SEMA3B: variants seen among roughly 807,000 people sequenced by gnomAD.
SEMA3B encodes semaphorin-3B.
A neutral mutation model predicts 77.8 loss-of-function variants in SEMA3B; 71 were observed. The observed-to-expected ratio is 0.91, with a 90% confidence interval of 0.75 to 1.11. The LOEUF is 1.11. Among genes scored for constraint, SEMA3B ranks in the 50% most tolerant of loss-of-function variants. The pLI is 0.00. For synonymous variants in SEMA3B, 470 were observed against 452.9 expected (o/e 1.04, Z -0.48); for missense variants, 968 against 1,056.8 (o/e 0.92, Z 1.17).
At chr3:50,264,279 C>T (rs997206091), upstream of SEMA3B, among the ~76,000 whole-genome samples, 1 of 152,122 alleles carries the variant, frequency 6.6e-6, no homozygotes, top group Admixed American at 6.6e-5. Flanking sequence ...AGGAGCTGAG[C>T]CCGAGAAGGG....
rs1700985617 is a variant in SEMA3B, at chr3:50,269,462, A to G, written c.109+113A>G. 2 of 660,878 alleles carry G rather than the reference A, an allele frequency of 3.0e-6. No individual in the cohort carries two copies. The highest frequency in any genetic ancestry group is 3.1e-5 in the Admixed American group (1 of 32,104). The allele number at this position is 660,878 out of a possible 1,614,324, so 40.9% of individuals were successfully genotyped here. On this transcript the variant is annotated intron_variant, in intron 1 of 16. Transcript: ENST00000616701. This position sits in a 1 kb window ranked among gnomAD's most constrained non-coding sequence, Gnocchi z 4.0. ...GCCCCATGTGCGTGCCTGTCACCAG[A>G]CTCTGGTAGGATTAGTGGGCACTCT...
upstream of SEMA3B, among the ~76,000 whole-genome samples, chr3:50,264,942 G>T (rs989500336): frequency 6.6e-6 from 1 of 152,042 alleles, no homozygotes; most frequent in African/African-American, 2.4e-5. Context: ...GGGCAGGCGG[G>T]GGTAGGGCCA....
chr3:50,276,258 T>C lies in SEMA3B; in HGVS notation c.1846-44T>C, dbSNP rs1701240237. ...CGCGTGCTAGGGCCCGGAAGCCCTG[T>C]TCCCGGCCCGACACCCCCGCCTCAC... On this transcript the variant is annotated intron_variant, in intron 16 of 16. Coordinates refer to ENST00000616701, the MANE Select transcript of SEMA3B (RefSeq NM_001290060.2). This position sits in a 1 kb window ranked among gnomAD's most constrained non-coding sequence, Gnocchi z 5.8. The C allele has an allele frequency of 2.8e-6, 4 of 1,441,690 alleles. No homozygotes were observed. In the East Asian group the frequency reaches 7.9e-5, roughly 28 times the overall value. The allele number at this position is 1,441,690 out of a possible 1,614,324, so 89.3% of individuals were successfully genotyped here.
chr3:50,265,094 A>G (rs1247621876), upstream of SEMA3B, among the ~76,000 whole-genome samples: 1 of 152,142 alleles, frequency 6.6e-6, no homozygotes, highest in African/African-American at 2.4e-5. Flanking sequence ...TTCCCTGGGA[A>G]TGTGGAGACC....
In SEMA3B at chr3:50,274,499, G is replaced by A; in HGVS notation, c.1274G>A (p.Gly425Glu). ...TGGRPLFLQV[G>E]ANYTFTQIAA... ...GGGCGCCCTCTTTTCCTACAAGTTG[G>A]AGCCAATTACACCTTCACTCAAATT... Residue 425 changes from glycine (G) to glutamate (E), a missense_variant, in exon 11 of 17, where the codon GGA becomes GAA. Gly to Glu is a moderately conservative substitution (Grantham distance 98, BLOSUM62 -2). Coordinates refer to ENST00000616701, the MANE Select transcript of SEMA3B (RefSeq NM_001290060.2). This position sits in a 1 kb window ranked among gnomAD's most constrained non-coding sequence, Gnocchi z 4.7. 1.3e-6 allele frequency: 2 copies of A among 1,564,776 alleles called. No homozygotes were observed. The highest frequency in any genetic ancestry group is 1.7e-6 in the Non-Finnish European group (2 of 1,157,728).
In SEMA3B at chr3:50,275,234, A is replaced by T. The variant is rs917231925; in HGVS notation, c.1492-68A>T. 2.7e-6 allele frequency: 4 copies of T among 1,471,010 alleles called. No individual in the cohort carries two copies. In the African/African-American group the frequency reaches 5.6e-5, roughly 21 times the overall value. The allele number at this position is 1,471,010 out of a possible 1,614,324, so 91.1% of individuals were successfully genotyped here. On this transcript the variant is annotated intron_variant, in intron 13 of 16. Coordinates refer to ENST00000616701, the MANE Select transcript of SEMA3B (RefSeq NM_001290060.2). This position sits in a 1 kb window ranked among gnomAD's most constrained non-coding sequence, Gnocchi z 7.5. ...TCCCATCTGTCGAGTGGAAGAAGGG[A>T]TCCCTGACCGATGGGAGGCAGGCGT...
At chr3:50,264,494 G>A (rs587705547), upstream of SEMA3B, among the ~76,000 whole-genome samples, 10 of 152,302 alleles carry the variant, frequency 6.6e-5, no homozygotes, top group East Asian at 1.9e-4. Flanking sequence ...CCACGGGGTC[G>A]GCTAAGCGGC....
At chr3:50,262,050 C>T in the SEMA3B span, 1 of 152,310 alleles carries the variant, frequency 6.6e-6, no homozygotes, top group Non-Finnish European at 1.5e-5. Context: ...AATCCTAGCA[C>T]TTTGGGAGGC....
chr3:50,275,060 G>A lies in SEMA3B; in HGVS notation c.1491+7G>A, dbSNP rs369551926. 21 of 1,579,900 alleles carry A rather than the reference G, an allele frequency of 1.3e-5. No homozygotes were observed. Among genetic ancestry groups the A allele is most frequent in the Non-Finnish European group, 1.7e-5 (20 of 1,159,104 alleles). On this transcript the variant is annotated splice_region_variant and intron_variant, in intron 13 of 16. Transcript: ENST00000616701. The surrounding 1 kb of genome is among the most constrained non-coding windows in gnomAD (Gnocchi z 7.5). ...GCAAATTTCTTCCAAGAGGGTGAGT[G>A]ACCAGGATGGGGGTCGGGGTGGGAT...
chr3:50,275,607 G>T lies in SEMA3B; in HGVS notation c.1697G>T (p.Cys566Phe), dbSNP rs781891711. 5 of 1,613,720 alleles carry T rather than the reference G, an allele frequency of 3.1e-6. No homozygotes were observed. In the South Asian group the frequency reaches 5.5e-5, roughly 18 times the overall value. Residue 566 changes from cysteine to phenylalanine, a missense_variant, in exon 15 of 17, where the codon TGC becomes TTC. Transcript: ENST00000616701. This position sits in a 1 kb window ranked among gnomAD's most constrained non-coding sequence, Gnocchi z 7.5. ...DVRNGDPSTL[C>F]SGDSSRPALL... ...AGGAATGGCGACCCCAGCACGTTGT[G>T]CTCCGGAGGTGAGTGCCCCAGCTGC...
chr3:50,276,510 C>G lies in SEMA3B; in HGVS notation c.2054C>G (p.Pro685Arg). 7.2e-6 allele frequency: 11 copies of G among 1,532,768 alleles called. No homozygotes were observed. Among genetic ancestry groups the G allele is most frequent in the Non-Finnish European group, 9.6e-6 (11 of 1,144,308 alleles). The allele number at this position is 1,532,768 out of a possible 1,614,324, so 94.9% of individuals were successfully genotyped here. ...GCTGCGCCCGCCGCGCCGCCGGGCC[C>G]CAAACTCTGGTACCGGGACTTTCTG... Reference protein sequence around the residue: ...EEAAPAAPPGPKLWYRDFLQL... With the variant: ...EEAAPAAPPGRKLWYRDFLQL... The change falls in exon 17 of 17, where the codon CCC (proline) becomes CGC (arginine). Residue 685 changes from proline to arginine, a missense_variant. Physicochemically the swap from Pro to Arg is moderately radical, Grantham distance 103 (BLOSUM62 -2). Coordinates refer to ENST00000616701, the MANE Select transcript of SEMA3B (RefSeq NM_001290060.2). This position sits in a 1 kb window ranked among gnomAD's most constrained non-coding sequence, Gnocchi z 5.8.
Position 50,269,476 on chromosome 3 carries a change from AG to A in SEMA3B, c.109+128del. ...CCTGTCACCAGACTCTGGTAGGATTAGTGGGCACTCTCAGGCCACCTCCAGT... is the reference window on the plus strand; with the variant it reads ...CCTGTCACCAGACTCTGGTAGGATTATGGGCACTCTCAGGCCACCTCCAGT... On this transcript the variant is annotated intron_variant, in intron 1 of 16. Transcript: ENST00000616701. This position sits in a 1 kb window ranked among gnomAD's most constrained non-coding sequence, Gnocchi z 4.0. 1 of 625,832 alleles carries A rather than the reference AG, an allele frequency of 1.6e-6. No individual in the cohort carries two copies. The highest frequency in any genetic ancestry group is 3.1e-5 in the Admixed American group (1 of 32,140). 38.8% of individuals were successfully genotyped at this position (625,832 alleles called of 1,614,324 possible).
In SEMA3B at chr3:50,274,422, C is replaced by A. The variant is rs1266739871; in HGVS notation, c.1197C>A (p.Ile399=). 5 of 1,514,682 alleles carry A rather than the reference C, an allele frequency of 3.3e-6. No homozygotes were observed. Among genetic ancestry groups the A allele is most frequent in the Non-Finnish European group, 4.4e-6 (5 of 1,132,196 alleles). 93.8% of individuals were successfully genotyped at this position (1,514,682 alleles called of 1,614,324 possible). The change falls in exon 11 of 17, where the codon ATC becomes ATA. Residue 399 remains isoleucine, a synonymous_variant. Coordinates refer to ENST00000616701, the MANE Select transcript of SEMA3B (RefSeq NM_001290060.2). The surrounding 1 kb of genome is among the most constrained non-coding windows in gnomAD (Gnocchi z 4.7). ...CCAAGGACTTCCCAGACGATGTCATCCAGTTTGCGCGGAACCACCCCCTCA... is the reference window on the plus strand; with the variant it reads ...CCAAGGACTTCCCAGACGATGTCATACAGTTTGCGCGGAACCACCCCCTCA... ...SSTKDFPDDV[I]QFARNHPLMY... is the part of the protein sequence containing the mutation.
Position 50,276,168 on chromosome 3 carries a change from T to C in SEMA3B, c.1846-134T>C, listed in dbSNP as rs936020569. 1.2e-5 allele frequency: 15 copies of C among 1,206,648 alleles called. 1 individual carries two copies. The African/African-American group carries it at 1.9e-4, about 15-fold the overall frequency. The allele number at this position is 1,206,648 out of a possible 1,614,324, so 74.7% of individuals were successfully genotyped here. A position where few individuals can be genotyped will look rare whatever the true frequency, so the allele number is the denominator to read the frequency against. Reference sequence around the variant, plus strand: ...AGCTCCCAAACACTCAGCCTTAAAATGTGCGCCTGCGGGCACCCCTTTCCC... The same window carrying C: ...AGCTCCCAAACACTCAGCCTTAAAACGTGCGCCTGCGGGCACCCCTTTCCC... On this transcript the variant is annotated intron_variant, in intron 16 of 16. Coordinates refer to ENST00000616701, the MANE Select transcript of SEMA3B (RefSeq NM_001290060.2). This position sits in a 1 kb window ranked among gnomAD's most constrained non-coding sequence, Gnocchi z 5.8.
chr3:50,270,645 G>C lies in SEMA3B; in HGVS notation c.330+150G>C. 3.4e-6 allele frequency: 4 copies of C among 1,178,342 alleles called. 1 individual carries two copies. The highest frequency in any genetic ancestry group is 4.7e-6 in the Non-Finnish European group (4 of 843,456). 73.0% of individuals were successfully genotyped at this position (1,178,342 alleles called of 1,614,324 possible). ...AGGTCTGGGGGTGGTGAGTCAGGGT[G>C]GGGGCTCGTGTAATTCTTCTGGGGT... On this transcript the variant is annotated intron_variant, in intron 3 of 16. Transcript: ENST00000616701. The surrounding 1 kb of genome is among the most constrained non-coding windows in gnomAD (Gnocchi z 4.7).
chr3:50,275,076 G>A lies in SEMA3B; in HGVS notation c.1491+23G>A, dbSNP rs1333030151. The A allele has an allele frequency of 8.3e-6, 13 of 1,564,730 alleles. No homozygotes were observed. Among genetic ancestry groups the A allele is most frequent in the East Asian group, 4.5e-5 (2 of 44,304 alleles). ...AGGGTGAGTGACCAGGATGGGGGTC[G>A]GGGTGGGATGGACTGAGCTTGTGCC... On this transcript the variant is annotated intron_variant, in intron 13 of 16. Coordinates refer to ENST00000616701, the MANE Select transcript of SEMA3B (RefSeq NM_001290060.2). This position sits in a 1 kb window ranked among gnomAD's most constrained non-coding sequence, Gnocchi z 7.5.
In SEMA3B at chr3:50,273,517, C is replaced by CA. The variant is rs782594642; in HGVS notation, c.811-18_811-17insA. 3.8e-5 allele frequency: 61 copies of CA among 1,611,794 alleles called. No individual in the cohort carries two copies. The East Asian group carries it at 1.3e-3, about 35-fold the overall frequency. The stretch of plus-strand genomic sequence containing the variant: ...CCTGCCCTGGTCTCGCCCTCATCCC[C>CA]TTTGATCGTCCCGGCAGAACGACGT... On this transcript the variant is annotated splice_polypyrimidine_tract_variant and intron_variant, in intron 7 of 16. Coordinates refer to ENST00000616701, the MANE Select transcript of SEMA3B (RefSeq NM_001290060.2). This position sits in a 1 kb window ranked among gnomAD's most constrained non-coding sequence, Gnocchi z 6.5.
chr3:50,273,800 C>A lies in SEMA3B; in HGVS notation c.964C>A (p.Leu322Met), dbSNP rs587593593. 1.3e-6 allele frequency: 2 copies of A among 1,587,610 alleles called. No individual in the cohort carries two copies. Among genetic ancestry groups the A allele is most frequent in the African/African-American group, 2.7e-5 (2 of 74,490 alleles). ...GTCCTCGCGGGACCACCGGACCCCG[C>A]TGCTCTATGCCGTCTTCTCCACGTC... is the stretch of plus-strand genomic sequence containing the variant. ...LLSSRDHRTP[L>M]LYAVFSTSSS... The change falls in exon 9 of 17, where the codon CTG becomes ATG. Residue 322 changes from leucine (L) to methionine (M), a missense_variant. By Grantham distance (15) the Leu-to-Met change is conservative. Transcript: ENST00000616701. This position sits in a 1 kb window ranked among gnomAD's most constrained non-coding sequence, Gnocchi z 6.5.
In SEMA3B at chr3:50,274,639, A is replaced by G; in HGVS notation, c.1357+57A>G. 6.7e-7 allele frequency: 1 copy of G among 1,502,046 alleles called. No homozygotes were observed. Among genetic ancestry groups the G allele is most frequent in the Middle Eastern group, 1.8e-4 (1 of 5,550 alleles). The allele number at this position is 1,502,046 out of a possible 1,614,324, so 93.0% of individuals were successfully genotyped here. ...CCCAGCCAGGCCCTGTGGGCTGCTGATGGAAGCTCTCCCTGTTCAGTCCCA... is the reference window on the plus strand; with the variant it reads ...CCCAGCCAGGCCCTGTGGGCTGCTGGTGGAAGCTCTCCCTGTTCAGTCCCA... On this transcript the variant is annotated intron_variant, in intron 11 of 16. Coordinates refer to ENST00000616701, the MANE Select transcript of SEMA3B (RefSeq NM_001290060.2). The surrounding 1 kb of genome is among the most constrained non-coding windows in gnomAD (Gnocchi z 4.7).
Sources: allele counts gnomAD v4.1 joint callset (sites outside exome capture counted in the v4.1 genomes callset), GRCh38; gene constraint gnomAD v4.1.1; non-coding constraint Gnocchi (gnomAD v3.1); transcripts MANE v1.5; gene names NCBI Gene and HGNC (gene_info 2026-07-23, HGNC 2026-07-21).